The following ARHGAP32 variants were observed in gnomAD, a reference collection of about 807,000 sequenced individuals.
ARHGAP32 encodes rho GTPase-activating protein 32.
A neutral mutation model predicts 186.5 loss-of-function variants in ARHGAP32; 51 were observed. The ratio of observed to expected loss-of-function variants is 0.27; its 90% confidence interval spans 0.22 to 0.35. ARHGAP32 has a LOEUF of 0.35. Ranked by LOEUF, ARHGAP32 falls within the 10% of genes least tolerant of loss-of-function variation. The pLI, the probability that ARHGAP32 is intolerant of heterozygous loss-of-function variation, is 1.00. For missense variants in ARHGAP32, 2,186 were observed against 2,623.5 expected (o/e 0.83, Z 3.64); for synonymous variants, 950 against 964.3 (o/e 0.99, Z 0.27).
chr11:129,113,504 TATAAA>T (rs1162967259), intron 5 of ARHGAP32, among the ~76,000 whole-genome samples: 14 of 152,150 alleles, frequency 9.2e-5, no homozygotes, highest in African/African-American at 3.4e-4. Flanking sequence ...GGTAGTAAGC[TATAAA>T]ATAGACTAGT....
intron 1 of ARHGAP32, among the ~76,000 whole-genome samples, chr11:129,218,800 A>G (rs1255596728): frequency 6.6e-6 from 1 of 152,214 alleles, no homozygotes; most frequent in Non-Finnish European, 1.5e-5. Context: ...GTAAAACCTT[A>G]TAGTAACACA....
chr11:129,114,869 A>G (rs1432333059), intron 5 of ARHGAP32, among the ~76,000 whole-genome samples: 1 of 152,024 alleles, frequency 6.6e-6, no homozygotes, highest in African/African-American at 2.4e-5. Context: ...TAAAAATACA[A>G]CTCTATTCAG....
chr11:129,003,076 G>T (rs575801912), intron 11 of ARHGAP32, among the ~76,000 whole-genome samples: 2 of 152,122 alleles, frequency 1.3e-5, no homozygotes, highest in Non-Finnish European at 2.9e-5. Flanking sequence ...GATTACAGGC[G>T]TGAGCCACCG....
intron 1 of ARHGAP32, among the ~76,000 whole-genome samples, chr11:129,172,788 G>C (rs1350190803): frequency 6.6e-6 from 1 of 152,060 alleles, no homozygotes; most frequent in East Asian, 1.9e-4. Flanking sequence ...CTGGGACACA[G>C]CTAAAGCAGT....
intron 5 of ARHGAP32, among the ~76,000 whole-genome samples, chr11:129,110,387 T>C (rs74442148): frequency 0.022 from 3,300 of 152,268 alleles, 112 homozygotes; most frequent in Admixed American, 0.083. Flanking sequence ...GTCTCCAGCA[T>C]TGTTCTTTTT....
intron 5 of ARHGAP32, among the ~76,000 whole-genome samples, chr11:129,111,995 T>C (rs1942231512): frequency 6.6e-6 from 1 of 152,094 alleles, no homozygotes; most frequent in Admixed American, 6.6e-5. Context: ...ACTCCTGGCC[T>C]GAAGTGATCT....
intron 10 of ARHGAP32, among the ~76,000 whole-genome samples, chr11:129,060,382 TAAGA>T (rs1399131323): frequency 1.4e-5 from 2 of 143,886 alleles, no homozygotes; most frequent in Non-Finnish European, 3.1e-5. Flanking sequence ...GATAGATAGA[TAAGA>T]TAGACAGACA....
At chr11:129,247,788 C>G (rs939617152) in intron 1 of ARHGAP32, among the ~76,000 whole-genome samples, 3 of 152,084 alleles carry the variant, frequency 2.0e-5, no homozygotes, top group Admixed American at 6.5e-5. Context: ...GCATTAACTA[C>G]AAATAACTTA....
intron 11 of ARHGAP32, among the ~76,000 whole-genome samples, chr11:129,037,703 A>C (rs892587746): frequency 1.3e-5 from 2 of 151,930 alleles, no homozygotes; most frequent in African/African-American, 4.9e-5. Flanking sequence ...AGAAAAGCCA[A>C]ATCAACCCTT....
At chr11:129,265,446 T>C (rs529075518) in intron 1 of ARHGAP32, among the ~76,000 whole-genome samples, 2 of 152,266 alleles carry the variant, frequency 1.3e-5, no homozygotes. Flanking sequence ...GTGGAAAACA[T>C]CCCCTTCTCA....
upstream of ARHGAP32, among the ~76,000 whole-genome samples, chr11:129,193,792 T>A (rs985026483): frequency 9.4e-5 from 12 of 127,566 alleles, no homozygotes; most frequent in Admixed American, 2.8e-4. Context: ...TCAAAAAAAA[T>A]TTTTTAAACC....
chr11:129,145,539 G>GT (rs1360398722), intron 2 of ARHGAP32, among the ~76,000 whole-genome samples: 8 of 151,846 alleles, frequency 5.3e-5, no homozygotes, highest in African/African-American at 1.7e-4. Flanking sequence ...TGAATATCTT[G>GT]TAAGTTTTAA....
At chr11:129,169,224 G>A (rs1481827598) in intron 1 of ARHGAP32, among the ~76,000 whole-genome samples, 6 of 152,020 alleles carry the variant, frequency 3.9e-5, no homozygotes, top group Admixed American at 3.9e-4. Flanking sequence ...TTCTTTAAAA[G>A]ATTAATAAAA....
At chr11:128,976,002 G>A (rs1024117568) in intron 20 of ARHGAP32, among the ~76,000 whole-genome samples, 7 of 151,868 alleles carry the variant, frequency 4.6e-5, no homozygotes, top group South Asian at 2.1e-4. Context: ...CACTTAAACC[G>A]GGAGTTAGAG....
At chr11:129,050,695 C>G (rs986788028) in intron 10 of ARHGAP32, among the ~76,000 whole-genome samples, 5 of 152,138 alleles carry the variant, frequency 3.3e-5, no homozygotes, top group African/African-American at 1.2e-4. Flanking sequence ...GCAGAACAGG[C>G]AGGTTTGTTA....
At chr11:129,135,424 G>C (rs968519626) in intron 2 of ARHGAP32, among the ~76,000 whole-genome samples, 1 of 152,186 alleles carries the variant, frequency 6.6e-6, no homozygotes, top group Non-Finnish European at 1.5e-5. Context: ...TCAGAAAAAA[G>C]ATGGCCATTT....
intron 1 of ARHGAP32, among the ~76,000 whole-genome samples, chr11:129,207,321 T>C (rs769037197): frequency 2.0e-5 from 3 of 152,218 alleles, no homozygotes; most frequent in Non-Finnish European, 4.4e-5. Flanking sequence ...CACACTGTCT[T>C]CCACAATGGT....
In ARHGAP32 at chr11:129,210,828, T is replaced by C. The variant is rs574531459; in HGVS notation, c.-4-46401A>G. 3.3e-5 allele frequency among the ~76,000 whole-genome samples: 5 copies of C among 152,334 alleles called. No homozygotes were observed. The East Asian group carries it at 7.7e-4, about 23-fold the overall frequency. On this transcript the variant is annotated intron_variant, in intron 1 of 6. Transcript: ENST00000525234. ...TAGTAAATGGGGTATGATGTTAATA[T>C]AACTCAGATTATATATAACTATTTT...
Position 128,988,028 on chromosome 11 carries a change from T to A in ARHGAP32, c.1293A>T (p.Arg431Ser). The A allele has an allele frequency of 1.2e-6, 2 of 1,610,884 alleles. No individual in the cohort carries two copies. The highest frequency in any genetic ancestry group is 1.7e-6 in the Non-Finnish European group (2 of 1,177,308). Residue 431 changes from arginine to serine, a missense_variant, in exon 13 of 23, where the codon AGA (arginine) becomes AGT (serine). Arg to Ser is a moderately radical substitution (Grantham distance 110, BLOSUM62 -1). Transcript: ENST00000682385. Reference protein sequence around the residue: ...RLSGVASNIQRLRHEFDSEHV... With the variant: ...RLSGVASNIQSLRHEFDSEHV... ...AGTGCCATATAAGATTTTACCGTAG[T>A]CTCTGGATATTGGAGGCAACACCAG...
Sources: allele counts gnomAD v4.1 joint callset (sites outside exome capture counted in the v4.1 genomes callset), GRCh38; gene constraint gnomAD v4.1.1; transcripts MANE v1.5; gene names NCBI Gene and HGNC (gene_info 2026-07-23, HGNC 2026-07-21).